The following SRP68 variants were observed in gnomAD, a reference collection of about 807,000 sequenced individuals.
SRP68 encodes the protein signal recognition particle 68.
SRP68 carries 15 observed loss-of-function variants against 82.2 expected under a neutral mutation model. That is an observed-to-expected ratio of 0.18 (90% CI 0.12 to 0.28). SRP68 has a LOEUF of 0.28. Ranked by LOEUF, SRP68 falls within the 10% of genes least tolerant of loss-of-function variation. The pLI is 1.00. For missense variants in SRP68, 595 were observed against 780.5 expected (o/e 0.76, Z 2.83); for synonymous variants, 261 against 292.6 (o/e 0.89, Z 1.10).
Position 76,072,506 on chromosome 17 carries a change from G to C in SRP68, c.-15C>G, listed in dbSNP as rs767965962. 6.3e-7 allele frequency: 1 copy of C among 1,580,260 alleles called. No individual in the cohort carries two copies. The highest frequency in any genetic ancestry group is 1.1e-5 in the South Asian group (1 of 88,328). Reference sequence around the variant, plus strand: ...TCAGCAGCCATCTTGCCCCTGCGCCGCAGAGCAAGACGGGATAGGGGAGGC... The same window carrying C: ...TCAGCAGCCATCTTGCCCCTGCGCCCCAGAGCAAGACGGGATAGGGGAGGC... On this transcript the variant is annotated 5_prime_UTR_variant, in exon 1 of 16. Transcript: ENST00000307877. The surrounding 1 kb of genome is among the most constrained non-coding windows in gnomAD (Gnocchi z 4.5).
Position 76,038,995 on chromosome 17 carries a change from T to C in SRP68, c.*711A>G, listed in dbSNP as rs1276736183. On this transcript the variant is annotated 3_prime_UTR_variant, in exon 16 of 16. Coordinates refer to ENST00000307877, the MANE Select transcript of SRP68 (RefSeq NM_014230.4). ...TGTATCTGGCATCAGCCTCACCTAGTTGCCGGTAAGTCAGGTTACACTTGA... is the reference window on the plus strand; with the variant it reads ...TGTATCTGGCATCAGCCTCACCTAGCTGCCGGTAAGTCAGGTTACACTTGA... 5.8e-6 allele frequency: 1 copy of C among 173,178 alleles called. No individual in the cohort carries two copies. The highest frequency in any genetic ancestry group is 2.4e-5 in the African/African-American group (1 of 42,490). 10.7% of individuals were successfully genotyped at this position (173,178 alleles called of 1,614,324 possible). A position where few individuals can be genotyped will look rare whatever the true frequency, so the allele number is the denominator to read the frequency against.
At chr17:76,046,672 T>C (rs2066634651) in intron 10 of SRP68, among the ~76,000 whole-genome samples, 3 of 151,692 alleles carry the variant, frequency 2.0e-5, no homozygotes, top group African/African-American at 7.3e-5. Flanking sequence ...CCAGGGGCAG[T>C]GGCTCCCATC....
chr17:76,069,879 C>A (rs1344781178), intron 2 of SRP68, among the ~76,000 whole-genome samples: 1 of 151,840 alleles, frequency 6.6e-6, no homozygotes. Context: ...GAGTTTGAGA[C>A]CAGCCTGGCC....
Position 76,045,477 on chromosome 17 carries a change from G to GC in SRP68, c.1300-92_1300-91insG, listed in dbSNP as rs1275185413. Reference sequence around the variant, plus strand: ...ACCTTGTAAGAACGGACAAGAGTGAGGAAAAAAAAAAGCCCGAGGTCAATA... The same window carrying GC: ...ACCTTGTAAGAACGGACAAGAGTGAGCGAAAAAAAAAAGCCCGAGGTCAATA... On this transcript the variant is annotated intron_variant, in intron 11 of 15. Transcript: ENST00000307877. 2.6e-5 allele frequency: 24 copies of GC among 938,182 alleles called. No homozygotes were observed. In the African/African-American group the frequency reaches 7.6e-4, roughly 30 times the overall value. 58.1% of individuals were successfully genotyped at this position (938,182 alleles called of 1,614,324 possible).
At chr17:76,040,078 G>A (rs539505447) in intron 15 of SRP68, 145 bp from the exon 16 acceptor site, 5 of 788,118 alleles carry the variant, frequency 6.3e-6, no homozygotes, top group Non-Finnish European at 1.0e-5. Context: ...TACGAGGAGG[G>A]GCTACCACAT....
intron 14 of SRP68, 181 bp downstream of exon 14, chr17:76,040,722 A>C (rs1168681445): frequency 3.0e-6 from 2 of 669,196 alleles, no homozygotes; most frequent in Admixed American, 5.2e-5. Context: ...CCAGTGTAAC[A>C]GTGCACTCGA....
chr17:76,066,707 T>C (rs1459294079), intron 3 of SRP68, among the ~76,000 whole-genome samples: 1 of 150,496 alleles, frequency 6.6e-6, no homozygotes, highest in Non-Finnish European at 1.5e-5. Flanking sequence ...GCTCCAAAGC[T>C]GAGACAGTGA....
intron 7 of SRP68, among the ~76,000 whole-genome samples, chr17:76,059,540 C>CTAAA (rs952736816): frequency 2.0e-5 from 3 of 151,922 alleles, no homozygotes; most frequent in African/African-American, 7.3e-5. Context: ...GACTCCGACT[C>CTAAA]TAAATAAATA....
At chr17:76,041,935 G>C (rs1027496894) in intron 13 of SRP68, among the ~76,000 whole-genome samples, 2 of 151,594 alleles carry the variant, frequency 1.3e-5, no homozygotes, top group Admixed American at 6.6e-5. Context: ...CTCTGTTGCC[G>C]CCCAGGGGCG....
chr17:76,043,683 TGGGCAGTCAGGGCTACACCAGGTCCCAC>T, intron 13 of SRP68, 118 bp downstream of exon 13: 1 of 731,806 alleles, frequency 1.4e-6, no homozygotes, highest in Non-Finnish European at 2.1e-6. Context: ...CTGCAGCTCC[TGGGCAGTCAGGGCTACACCAGGTCCCAC>T]GGGCAGCCAG....
intron 13 of SRP68, among the ~76,000 whole-genome samples, chr17:76,043,162 G>A (rs1164669026): frequency 6.6e-6 from 1 of 152,150 alleles, no homozygotes; most frequent in Admixed American, 6.5e-5. Context: ...TACTCAGGAG[G>A]CTGAGGTGGG....
chr17:76,056,840 G>C (rs2066716977), intron 8 of SRP68, among the ~76,000 whole-genome samples: 1 of 152,166 alleles, frequency 6.6e-6, no homozygotes, highest in South Asian at 2.1e-4. Context: ...CACTGTCTAT[G>C]TCATACAAAG....
Position 76,061,234 on chromosome 17 carries a change from A to G in SRP68, c.645-15T>C. 6.4e-7 allele frequency: 1 copy of G among 1,572,232 alleles called. No individual in the cohort carries two copies. Among genetic ancestry groups the G allele is most frequent in the South Asian group, 1.1e-5 (1 of 89,234 alleles). Reference sequence around the variant, plus strand: ...CATAGATAGTTCTGCGAGAAAAGAAAAGCCAGGTTTTACATCAGCCTTATA... The same window carrying G: ...CATAGATAGTTCTGCGAGAAAAGAAGAGCCAGGTTTTACATCAGCCTTATA... On this transcript the variant is annotated splice_polypyrimidine_tract_variant and intron_variant, in intron 5 of 15. Transcript: ENST00000307877.
At chr17:76,048,233 C>G (rs1313607033) in intron 9 of SRP68, 1 of 204,952 alleles carries the variant, frequency 4.9e-6, no homozygotes, top group Non-Finnish European at 9.8e-6. Context: ...CACTCCTCCC[C>G]GTGCCTAACC....
At chr17:76,050,291 C>T (rs1473495915) in intron 9 of SRP68, 137 bp downstream of exon 9, 1 of 614,824 alleles carries the variant, frequency 1.6e-6, no homozygotes, top group Non-Finnish European at 2.9e-6. Flanking sequence ...CCCTTACGAC[C>T]TCACCTCAAA....
rs1567934803 is a variant in SRP68, at chr17:76,062,587, A to ATATAATGTACATTATATAT, written c.562-1014_562-1013insATATATAATGTACATTATA. On this transcript the variant is annotated intron_variant, in intron 4 of 15. Coordinates refer to ENST00000307877, the MANE Select transcript of SRP68 (RefSeq NM_014230.4). ...TATATTATATAATATACATTATATA[A>ATATAATGTACATTATATAT]TATATAATATACATTATATATTATA... 2.6e-4 allele frequency among the ~76,000 whole-genome samples: 8 copies of ATATAATGTACATTATATAT among 31,204 alleles called. No individual in the cohort carries two copies. In the East Asian group the frequency reaches 2.9e-3, roughly 11 times the overall value. 20.5% of individuals were successfully genotyped at this position (31,204 alleles called of 152,430 possible). A position where few individuals can be genotyped will look rare whatever the true frequency, so the allele number is the denominator to read the frequency against.
At chr17:76,045,068 C>T in intron 12 of SRP68, 2 of 445,686 alleles carry the variant, frequency 4.5e-6, no homozygotes, top group Non-Finnish European at 4.0e-6. Context: ...CGTGTGTGCT[C>T]CACTCCTCCG....
Position 76,060,018 on chromosome 17 carries a change from T to C in SRP68, c.837+290A>G, listed in dbSNP as rs1376709968. ...GCAGGCGGCTGTAGTCCCAGCTACT[T>C]GGGAGGCTGAGGCAGGAGAATGTCG... On this transcript the variant is annotated intron_variant, in intron 7 of 15. Coordinates refer to ENST00000307877, the MANE Select transcript of SRP68 (RefSeq NM_014230.4). Among the ~76,000 whole-genome samples, 2 of 138,146 alleles carry C rather than the reference T, an allele frequency of 1.4e-5. 1 individual carries two copies. The highest frequency in any genetic ancestry group is 9.0e-3 in the Middle Eastern group (2 of 222). The allele number at this position is 138,146 out of a possible 152,430, so 90.6% of individuals were successfully genotyped here.
Position 76,057,476 on chromosome 17 carries a change from G to A in SRP68, c.905C>T (p.Thr302Met), listed in dbSNP as rs200168660. 20 of 1,613,918 alleles carry A rather than the reference G, an allele frequency of 1.2e-5. No homozygotes were observed. The highest frequency in any genetic ancestry group is 8.0e-5 in the African/African-American group (6 of 74,970). ...CACTTTGTCAATCTTCACTGGAACC[G>A]TTCTCCCTCTCCACTCCACTTCACT... The part of the protein sequence containing the change: ...TMSEVEWRGR[T>M]VPVKIDKVRI... The change falls in exon 8 of 16, where the codon ACG becomes ATG. Residue 302 changes from threonine to methionine, a missense_variant. Thr to Met is a moderately conservative substitution (Grantham distance 81). Coordinates refer to ENST00000307877, the MANE Select transcript of SRP68 (RefSeq NM_014230.4).
Sources: allele counts gnomAD v4.1 joint callset (sites outside exome capture counted in the v4.1 genomes callset), GRCh38; gene constraint gnomAD v4.1.1; non-coding constraint Gnocchi (gnomAD v3.1); transcripts MANE v1.5; gene names NCBI Gene and HGNC (gene_info 2026-07-23, HGNC 2026-07-21).